COL4A1: variants seen among roughly 807,000 people sequenced by gnomAD.
The protein encoded by COL4A1 is collagen type IV alpha 1 chain, also known as collagen alpha-1(IV) chain.
COL4A1 carries 40 observed loss-of-function variants against 216.6 expected under a neutral mutation model. The ratio of observed to expected loss-of-function variants is 0.18; its 90% CI spans 0.14 to 0.24. The LOEUF is 0.24. Among genes scored for constraint, COL4A1 ranks in the 10% least tolerant of loss-of-function variants. The pLI, the probability that COL4A1 is intolerant of heterozygous loss-of-function variation, is 1.00. For synonymous variants in COL4A1, 839 were observed against 810.7 expected (o/e 1.03, Z -0.59); for missense variants, 1,628 against 2,196.8 (o/e 0.74, Z 5.18).
intron 1 of COL4A1, among the ~76,000 whole-genome samples, chr13:110,306,160 C>G (rs527538929): frequency 6.6e-6 from 1 of 152,272 alleles, no homozygotes; most frequent in East Asian, 1.9e-4. Flanking sequence ...GCAAACCGAT[C>G]TCCCAGATCC....
At chr13:110,217,857 T>C (rs1880165024) in intron 2 of COL4A1, among the ~76,000 whole-genome samples, 1 of 152,254 alleles carries the variant, frequency 6.6e-6, no homozygotes, top group Non-Finnish European at 1.5e-5. Flanking sequence ...AAATAGGGTT[T>C]CATGCATGGA....
intron 2 of COL4A1, among the ~76,000 whole-genome samples, chr13:110,217,832 T>C (rs1291427823): frequency 6.6e-6 from 1 of 152,228 alleles, no homozygotes; most frequent in Non-Finnish European, 1.5e-5. Flanking sequence ...AATTAGGCAT[T>C]GTAAATTAGG....
At chr13:110,186,250 C>T in intron 26 of COL4A1, 135 bp downstream of exon 26, 3 of 1,139,168 alleles carry the variant, frequency 2.6e-6, no homozygotes, top group Non-Finnish European at 4.0e-6. Flanking sequence ...CAGGTCCTGC[C>T]CCAATTCCTG....
chr13:110,150,209 G>A lies in COL4A1; in HGVS notation c.*154C>T, dbSNP rs1440389099. 1.4e-6 allele frequency: 1 copy of A among 733,048 alleles called. No homozygotes were observed. Among genetic ancestry groups the A allele is most frequent in the African/African-American group, 1.7e-5 (1 of 57,796 alleles). The allele number at this position is 733,048 out of a possible 1,614,324, so 45.4% of individuals were successfully genotyped here. A position where few individuals can be genotyped will look rare whatever the true frequency, so the allele number is the denominator to read the frequency against. Reference sequence around the variant, plus strand: ...CCTTCAGCAAGTAGAGGTCAATGAAGCAGGGTGTGTTAGTTACGCAAATTC... The same window carrying A: ...CCTTCAGCAAGTAGAGGTCAATGAAACAGGGTGTGTTAGTTACGCAAATTC... On this transcript the variant is annotated 3_prime_UTR_variant, in exon 52 of 52. Coordinates refer to ENST00000375820, the MANE Select transcript of COL4A1 (RefSeq NM_001845.6).
At chr13:110,195,522 A>T (rs981766466) in intron 21 of COL4A1, among the ~76,000 whole-genome samples, 2 of 152,060 alleles carry the variant, frequency 1.3e-5, no homozygotes, top group African/African-American at 4.8e-5. Context: ...GACTAGAAAA[A>T]TTTTCTTCCT....
intron 2 of COL4A1, among the ~76,000 whole-genome samples, chr13:110,227,371 A>G (rs1337076453): frequency 6.7e-6 from 1 of 149,946 alleles, no homozygotes; most frequent in Non-Finnish European, 1.5e-5. Flanking sequence ...ATAGATGACC[A>G]AGTATGGGTA....
At chr13:110,170,379 G>A (rs1877580243) in intron 42 of COL4A1, among the ~76,000 whole-genome samples, 168 bp downstream of exon 42, 2 of 152,216 alleles carry the variant, frequency 1.3e-5, no homozygotes, top group Non-Finnish European at 2.9e-5. Flanking sequence ...AAGGATACAA[G>A]AAAAGCTTTG....
chr13:110,158,638 T>C (rs1183192134), intron 49 of COL4A1, among the ~76,000 whole-genome samples: 1 of 152,182 alleles, frequency 6.6e-6, no homozygotes, highest in East Asian at 1.9e-4. Context: ...TTTATCATTA[T>C]CTTAATATGT....
chr13:110,289,261 G>A (rs1326183818), intron 1 of COL4A1, among the ~76,000 whole-genome samples: 1 of 152,126 alleles, frequency 6.6e-6, no homozygotes, highest in Non-Finnish European at 1.5e-5. Flanking sequence ...TAGAGGGCTG[G>A]AGTGATGAGT....
chr13:110,226,207 A>G (rs1177331311), intron 2 of COL4A1, among the ~76,000 whole-genome samples: 1 of 152,210 alleles, frequency 6.6e-6, no homozygotes, highest in Non-Finnish European at 1.5e-5. Context: ...TTTCTTGAGT[A>G]TTTAAAAAAG....
chr13:110,276,924 T>C lies in COL4A1; in HGVS notation c.84+30020A>G, dbSNP rs894573304. ...TTCTAGAAGTTTTTGAATGAATATT[T>C]TAAAATTGAGGCCCCAGGCTTCTGA... On this transcript the variant is annotated intron_variant, in intron 1 of 51. Coordinates refer to ENST00000375820, the MANE Select transcript of COL4A1 (RefSeq NM_001845.6). Among the ~76,000 whole-genome samples, 3 of 152,180 alleles carry C rather than the reference T, an allele frequency of 2.0e-5. No individual in the cohort carries two copies. The East Asian group carries it at 5.8e-4, about 29-fold the overall frequency.
rs1884768211 is a variant in COL4A1, at chr13:110,307,081, C to T, written c.-54G>A. On this transcript the variant is annotated 5_prime_UTR_variant, in exon 1 of 52. Transcript: ENST00000375820. This position sits in a 1 kb window ranked among gnomAD's most constrained non-coding sequence, Gnocchi z 5.0. ...GCTGCCCGGCGTGCGGGGGCCGCGG[C>T]GGACAGCTAGCTCTCGGAAGGCCGG... is the stretch of plus-strand genomic sequence containing the variant. 2 of 1,356,510 alleles carry T rather than the reference C, an allele frequency of 1.5e-6. No homozygotes were observed. The highest frequency in any genetic ancestry group is 3.1e-5 in the African/African-American group (2 of 65,320). The allele number at this position is 1,356,510 out of a possible 1,614,324, so 84.0% of individuals were successfully genotyped here. A position where few individuals can be genotyped will look rare whatever the true frequency, so the allele number is the denominator to read the frequency against.
intron 1 of COL4A1, among the ~76,000 whole-genome samples, chr13:110,293,092 G>A (rs555885092): frequency 6.6e-6 from 1 of 152,308 alleles, no homozygotes; most frequent in Non-Finnish European, 1.5e-5. Context: ...ATAAATGCTG[G>A]ATTCCATTCA....
intron 1 of COL4A1, among the ~76,000 whole-genome samples, chr13:110,257,963 C>G (rs1474429757): frequency 6.6e-6 from 1 of 152,130 alleles, no homozygotes; most frequent in East Asian, 1.9e-4. Flanking sequence ...CATTCCATGT[C>G]CCTGGTCCTT....
At chr13:110,227,508 C>G (rs1880796963) in intron 2 of COL4A1, among the ~76,000 whole-genome samples, 1 of 151,696 alleles carries the variant, frequency 6.6e-6, no homozygotes, top group Non-Finnish European at 1.5e-5. Flanking sequence ...AGAAGCTTCA[C>G]TAAGAGGCAG....
chr13:110,174,327 G>A, intron 39 of COL4A1, 119 bp downstream of exon 39: 1 of 1,085,530 alleles, frequency 9.2e-7, no homozygotes, highest in Middle Eastern at 2.9e-4. Flanking sequence ...ATCTGAAGAT[G>A]GGAGACAGGA....
At chr13:110,220,958 T>G (rs1880450786) in intron 2 of COL4A1, among the ~76,000 whole-genome samples, 1 of 152,192 alleles carries the variant, frequency 6.6e-6, no homozygotes. Context: ...AAGGTCCATG[T>G]GATGAAGAAG....
rs772705753 is a variant in COL4A1 at position 110,169,721 on chromosome 13, C to G, written c.3784G>C (p.Asp1262His). The G allele has an allele frequency of 2.5e-6, 4 of 1,614,088 alleles. No individual in the cohort carries two copies. In the South Asian group the frequency reaches 4.4e-5, roughly 18 times the overall value. The change falls in exon 43 of 52, where the codon GAT becomes CAT. Residue 1262 changes from aspartate (D) to histidine (H), a missense_variant. Transcript: ENST00000375820. The stretch of plus-strand genomic sequence containing the variant: ...TTTCCTTTGTCACCTTTAACTCCAT[C>G]AATCCCAGGAAGCCCTGGAGGCCCC... ...PMGPPGLPGI[D>H]GVKGDKGNPG...
At chr13:110,199,207 AGTG>A (rs1413057918) in intron 20 of COL4A1, among the ~76,000 whole-genome samples, 1 of 152,158 alleles carries the variant, frequency 6.6e-6, no homozygotes, top group Admixed American at 6.5e-5. Context: ...GGCTTGAGAG[AGTG>A]GTGGTGCAGG....
Sources: allele counts gnomAD v4.1 joint callset (sites outside exome capture counted in the v4.1 genomes callset), GRCh38; gene constraint gnomAD v4.1.1; non-coding constraint Gnocchi (gnomAD v3.1); transcripts MANE v1.5; gene names NCBI Gene and HGNC (gene_info 2026-07-23, HGNC 2026-07-21).